Variants in GNG12 observed in about 807,000 individuals in gnomAD.
GNG12 encodes the protein G protein subunit gamma 12.
For synonymous variants in GNG12, 28 were observed against 29.7 expected, an observed-to-expected ratio of 0.94 and a Z score of 0.19; for missense variants, 69 against 83.8, an observed-to-expected ratio of 0.82 and a Z score of 0.69.
At chr1:67,747,608 TAATG>T (rs1338392975) in intron 2 of GNG12, among the ~76,000 whole-genome samples, 1 of 152,230 alleles carries the variant, frequency 6.6e-6, no homozygotes, top group African/African-American at 2.4e-5. Flanking sequence ...AGCTTTCACT[TAATG>T]AGAGTGAGGT....
chr1:67,786,824 C>G (rs1646770248), intron 1 of GNG12, among the ~76,000 whole-genome samples: 2 of 151,898 alleles, frequency 1.3e-5, no homozygotes, highest in Admixed American at 1.3e-4. Context: ...GTACTCCCAG[C>G]TACTTGGGAG....
intron 2 of GNG12, among the ~76,000 whole-genome samples, chr1:67,754,733 A>G (rs1164481160): frequency 6.6e-6 from 1 of 152,184 alleles, no homozygotes; most frequent in Non-Finnish European, 1.5e-5. Flanking sequence ...CGTCTCTCCC[A>G]TCAGGATACC....
intron 1 of GNG12, among the ~76,000 whole-genome samples, chr1:67,780,079 T>C (rs953419990): frequency 1.3e-5 from 2 of 152,236 alleles, no homozygotes; most frequent in Non-Finnish European, 2.9e-5. Context: ...ATGCAGCCTA[T>C]AGTTGACTGA....
chr1:67,774,287 A>C lies in GNG12; in HGVS notation c.-27+3171T>G, dbSNP rs575974653. Among the ~76,000 whole-genome samples, 155 of 152,202 alleles carry C rather than the reference A, an allele frequency of 1.0e-3. 1 individual carries two copies. The Middle Eastern group carries it at 0.02, about 20-fold the overall frequency. Reference sequence around the variant, plus strand: ...CCTCTCTCCCATGAACTGGGGACTTATTTTATCTCTGACTTCACCCCACTT... The same window carrying C: ...CCTCTCTCCCATGAACTGGGGACTTCTTTTATCTCTGACTTCACCCCACTT... On this transcript the variant is annotated intron_variant, in intron 2 of 3. Transcript: ENST00000370982.
At chr1:67,769,820 A>G (rs1646662814) in intron 2 of GNG12, among the ~76,000 whole-genome samples, 1 of 121,890 alleles carries the variant, frequency 8.2e-6, no homozygotes, top group Non-Finnish European at 1.7e-5. Flanking sequence ...GCACACACAC[A>G]CTCACACTCA....
At chr1:67,794,303 G>A (rs374645804) in intron 1 of GNG12, among the ~76,000 whole-genome samples, 1 of 152,146 alleles carries the variant, frequency 6.6e-6, no homozygotes, top group South Asian at 2.1e-4. Context: ...TAGTTTAAGG[G>A]TGGGTCTTTG....
intron 2 of GNG12, among the ~76,000 whole-genome samples, chr1:67,744,999 CTTTCTA>C (rs1396360057): frequency 6.6e-6 from 1 of 152,206 alleles, no homozygotes; most frequent in African/African-American, 2.4e-5. Flanking sequence ...CTCTGTACCT[CTTTCTA>C]TATCTGTAAG....
At chr1:67,789,303 C>G (rs1445526402) in intron 1 of GNG12, among the ~76,000 whole-genome samples, 1 of 152,070 alleles carries the variant, frequency 6.6e-6, no homozygotes, top group East Asian at 1.9e-4. Context: ...GCCTTAGAAT[C>G]TTTTTCAGAA....
At chr1:67,803,206 G>A (rs1257591961) in intron 1 of GNG12, among the ~76,000 whole-genome samples, 2 of 145,156 alleles carry the variant, frequency 1.4e-5, no homozygotes, top group Non-Finnish European at 3.0e-5. Context: ...TCCCATTAGG[G>A]AGAAAATTTT....
At chr1:67,825,584 T>A (rs921716861) in intron 1 of GNG12, among the ~76,000 whole-genome samples, 3 of 152,222 alleles carry the variant, frequency 2.0e-5, no homozygotes, top group Non-Finnish European at 2.9e-5. Context: ...CTCTCTGAGT[T>A]TGTGGTACCT....
At chr1:67,738,912 C>T (rs1423121380) in intron 2 of GNG12, among the ~76,000 whole-genome samples, 1 of 152,188 alleles carries the variant, frequency 6.6e-6, no homozygotes, top group Non-Finnish European at 1.5e-5. Context: ...GGCATGGTGG[C>T]TCATGCCTGT....
At chr1:67,775,262 G>T (rs1480900935) in intron 2 of GNG12, among the ~76,000 whole-genome samples, 2 of 152,206 alleles carry the variant, frequency 1.3e-5, no homozygotes. Context: ...TGAGGCTCAG[G>T]AAGACTGAGT....
chr1:67,815,563 C>T (rs977746969), intron 1 of GNG12, among the ~76,000 whole-genome samples: 5 of 152,118 alleles, frequency 3.3e-5, no homozygotes, highest in African/African-American at 7.2e-5. Flanking sequence ...GTTACTGTGT[C>T]GAAATGGAAG....
At chr1:67,756,092 G>C (rs1340302879) in intron 2 of GNG12, among the ~76,000 whole-genome samples, 2 of 152,166 alleles carry the variant, frequency 1.3e-5, no homozygotes, top group African/African-American at 4.8e-5. Flanking sequence ...AAGGGGCTTA[G>C]AGTGTGGGAG....
intron 2 of GNG12, among the ~76,000 whole-genome samples, chr1:67,765,602 T>C (rs7542492): frequency 0.16 from 24,409 of 152,204 alleles, 3,076 homozygotes; most frequent in African/African-American, 0.35. Flanking sequence ...GGTTTGTATA[T>C]TTCAACCCTT....
intron 3 of GNG12, among the ~76,000 whole-genome samples, chr1:67,706,397 A>G (rs1646247647): frequency 6.6e-6 from 1 of 152,192 alleles, no homozygotes; most frequent in African/African-American, 2.4e-5. Context: ...GGAAGTAAAA[A>G]GAGAGACGAA....
chr1:67,813,203 C>T (rs899216352), intron 1 of GNG12, among the ~76,000 whole-genome samples: 12 of 152,004 alleles, frequency 7.9e-5, no homozygotes, highest in Middle Eastern at 3.2e-3. Flanking sequence ...TTGCTGAATA[C>T]GAATAGCATC....
At chr1:67,720,120 C>G (rs1646348574) in intron 2 of GNG12, among the ~76,000 whole-genome samples, 2 of 152,204 alleles carry the variant, frequency 1.3e-5, no homozygotes, top group South Asian at 4.1e-4. Flanking sequence ...CTCTGAGAAG[C>G]CTGGGTGGAG....
intron 2 of GNG12, among the ~76,000 whole-genome samples, chr1:67,725,758 G>A (rs956377268): frequency 2.6e-5 from 4 of 152,130 alleles, no homozygotes; most frequent in South Asian, 4.1e-4. Context: ...CATACAGTAC[G>A]TTTATACTTT....
Sources: allele counts gnomAD v4.1 joint callset (sites outside exome capture counted in the v4.1 genomes callset), GRCh38; gene constraint gnomAD v4.1.1; transcripts MANE v1.5; gene names NCBI Gene and HGNC (gene_info 2026-07-23, HGNC 2026-07-21).